Variants in IL22RA2 observed in about 807,000 individuals in gnomAD.
The protein encoded by IL22RA2 is interleukin-22 receptor subunit alpha-2.
In IL22RA2, 39 loss-of-function variants were observed where a neutral mutation model predicts 30.7. The ratio of observed to expected loss-of-function variants is 1.27; its 90% CI spans 0.98 to 1.66. The LOEUF is 1.66. Among genes scored for constraint, IL22RA2 ranks in the 40% most tolerant of loss-of-function variants. The probability of loss-of-function intolerance (pLI) is 0.00; values close to 1 mark genes in which losing one functional copy is unlikely to be tolerated. For missense variants in IL22RA2, 315 were observed against 312.7 expected, an observed-to-expected ratio of 1.01 and a Z score of -0.05; for synonymous variants, 103 against 105.0, an observed-to-expected ratio of 0.98 and a Z score of 0.11.
At chr6:137,156,075 G>C (rs1367860108) in intron 4 of IL22RA2, among the ~76,000 whole-genome samples, 1 of 152,114 alleles carries the variant, frequency 6.6e-6, no homozygotes. Flanking sequence ...ACTATATATG[G>C]AGCCCTGTAA....
At chr6:137,158,072 C>T (rs1306819685) in intron 3 of IL22RA2, among the ~76,000 whole-genome samples, 1 of 152,120 alleles carries the variant, frequency 6.6e-6, no homozygotes, top group Non-Finnish European at 1.5e-5. Context: ...GAGAACCCAC[C>T]ATGTGCCAGG....
At chr6:137,166,552 C>A (rs944426769) in intron 1 of IL22RA2, among the ~76,000 whole-genome samples, 1 of 152,108 alleles carries the variant, frequency 6.6e-6, no homozygotes, top group Non-Finnish European at 1.5e-5. Flanking sequence ...GCAATGACAG[C>A]GATAACTAAG....
chr6:137,172,214 T>C lies in IL22RA2; in HGVS notation c.-66+1199A>G, dbSNP rs559888077. 7.2e-5 allele frequency among the ~76,000 whole-genome samples: 11 copies of C among 152,106 alleles called. No individual in the cohort carries two copies. In the South Asian group the frequency reaches 2.3e-3, roughly 32 times the overall value. On this transcript the variant is annotated intron_variant, in intron 1 of 6. Coordinates refer to ENST00000296980, the MANE Select transcript of IL22RA2 (RefSeq NM_052962.3). ...AAAAGGAAAATATTTAAATTCGAGG[T>C]TTTATGATGAGAGCAGCAGAGAACG...
intron 1 of IL22RA2, among the ~76,000 whole-genome samples, chr6:137,172,133 A>G (rs1256299050): frequency 6.6e-6 from 1 of 152,218 alleles, no homozygotes; most frequent in African/African-American, 2.4e-5. Flanking sequence ...AATGGCTTCA[A>G]TACCAATAGA....
chr6:137,155,147 A>C, intron 4 of IL22RA2, 28 bp from the exon 5 acceptor site: 1 of 1,491,740 alleles, frequency 6.7e-7, no homozygotes, highest in Non-Finnish European at 8.9e-7. Context: ...CAAAGATCTG[A>C]GTTTCTTTTC....
intron 5 of IL22RA2, among the ~76,000 whole-genome samples, chr6:137,154,476 G>C (rs1778355577): frequency 6.6e-6 from 1 of 152,158 alleles, no homozygotes. Context: ...TTAGCCAAGG[G>C]TGGTGGCACA....
At chr6:137,158,674 A>C (rs1048273738) in intron 2 of IL22RA2, among the ~76,000 whole-genome samples, 192 bp from the exon 3 acceptor site, 3 of 152,252 alleles carry the variant, frequency 2.0e-5, no homozygotes, top group African/African-American at 7.2e-5. Flanking sequence ...CTAAAGTCTC[A>C]GAATAATGAG....
chr6:137,158,531 C>A (rs371564041), intron 2 of IL22RA2, 49 bp from the exon 3 acceptor site: 12 of 1,595,686 alleles, frequency 7.5e-6, no homozygotes, highest in Non-Finnish European at 8.6e-7. Flanking sequence ...TGGAGCACTG[C>A]TGTTCCCAGC....
rs1301759116 is a variant in IL22RA2, at chr6:137,144,027, C to T, written c.*1597G>A. 2 of 152,192 alleles carry T rather than the reference C, an allele frequency of 1.3e-5. No individual in the cohort carries two copies. Among genetic ancestry groups the T allele is most frequent in the African/African-American group, 4.8e-5 (2 of 41,414 alleles). The allele number at this position is 152,192 out of a possible 1,614,324, so 9.4% of individuals were successfully genotyped here. ...ATAAATGAATTTTGTTTTATTAAGT[C>T]AGGCTTCAGGACTACTGAATTGCAT... On this transcript the variant is annotated 3_prime_UTR_variant, in exon 7 of 7. Transcript: ENST00000296980.
At chr6:137,167,471 G>T (rs10223866) in intron 1 of IL22RA2, among the ~76,000 whole-genome samples, 1 of 152,088 alleles carries the variant, frequency 6.6e-6, no homozygotes, top group South Asian at 2.1e-4. Context: ...CCTTAGGTGA[G>T]GTCTCGCAGG....
At chr6:137,149,959 A>G (rs1314590090) in intron 5 of IL22RA2, among the ~76,000 whole-genome samples, 1 of 152,208 alleles carries the variant, frequency 6.6e-6, no homozygotes, top group Non-Finnish European at 1.5e-5. Context: ...GATTACAGGC[A>G]TGGAGCCAAC....
intron 1 of IL22RA2, among the ~76,000 whole-genome samples, chr6:137,162,615 ATTC>A (rs1454110895): frequency 6.6e-6 from 1 of 152,176 alleles, no homozygotes; most frequent in Non-Finnish European, 1.5e-5. Context: ...TCATTATATC[ATTC>A]TTCTTACCAT....
chr6:137,152,895 T>C (rs1317964687), intron 5 of IL22RA2, among the ~76,000 whole-genome samples: 2 of 152,168 alleles, frequency 1.3e-5, no homozygotes, highest in African/African-American at 4.8e-5. Flanking sequence ...AGTGTCCAAC[T>C]TTCCAGTAAG....
intron 5 of IL22RA2, among the ~76,000 whole-genome samples, chr6:137,150,395 C>G (rs568985570): frequency 6.8e-6 from 1 of 147,998 alleles, no homozygotes; most frequent in South Asian, 2.1e-4. Flanking sequence ...GACTGGGTTT[C>G]TTATTCTTCT....
intron 1 of IL22RA2, among the ~76,000 whole-genome samples, chr6:137,164,258 G>T: frequency 6.6e-6 from 1 of 152,206 alleles, no homozygotes; most frequent in South Asian, 2.1e-4. Flanking sequence ...CAGCCAAGGG[G>T]ACAATAGACA....
chr6:137,149,707 A>G (rs202567), intron 5 of IL22RA2, among the ~76,000 whole-genome samples: 90,675 of 152,124 alleles, frequency 0.6, 29,316 homozygotes, highest in African/African-American at 0.86. Context: ...TATGGCTCCT[A>G]AATAAAATTA....
chr6:137,162,657 C>T (rs899901553), intron 1 of IL22RA2, among the ~76,000 whole-genome samples: 1 of 151,922 alleles, frequency 6.6e-6, no homozygotes, highest in Non-Finnish European at 1.5e-5. Context: ...TTTAGAGATA[C>T]TAAAATTATA....
At chr6:137,161,607 G>T (rs1362970505) in intron 2 of IL22RA2, 82 bp downstream of exon 2, 48 of 1,146,660 alleles carry the variant, frequency 4.2e-5, no homozygotes, top group Middle Eastern at 3.9e-4. Flanking sequence ...GTTCAAAAAA[G>T]CACCAGTGCC....
intron 5 of IL22RA2, among the ~76,000 whole-genome samples, chr6:137,151,597 C>T (rs577635812): frequency 6.6e-6 from 1 of 152,168 alleles, no homozygotes; most frequent in South Asian, 2.1e-4. Flanking sequence ...GTGATACCAT[C>T]AAGAAAGTAA....
Sources: gnomAD v4.1 joint callset for allele counts (sites outside exome capture counted in the v4.1 genomes callset) on GRCh38, gnomAD v4.1.1 for gene constraint, MANE v1.5 for transcripts, NCBI Gene and HGNC (gene_info 2026-07-23, HGNC 2026-07-21) for gene names.